CACNA1C: variants seen among roughly 807,000 people sequenced by gnomAD.
The protein encoded by CACNA1C is calcium voltage-gated channel subunit alpha1 C, also known as voltage-dependent L-type calcium channel subunit alpha-1C.
CACNA1C carries 30 observed loss-of-function variants against 229.0 expected under a neutral mutation model. The ratio of observed to expected loss-of-function variants is 0.13; its 90% CI spans 0.10 to 0.18. The LOEUF (loss-of-function observed/expected upper bound fraction) is 0.18, where lower values mean the gene tolerates loss of function less well. Among genes scored for constraint, CACNA1C ranks in the 10% least tolerant of loss-of-function variants. The probability of loss-of-function intolerance (pLI) is 1.00; values close to 1 mark genes in which losing one functional copy is unlikely to be tolerated. For missense variants in CACNA1C, 1,658 were observed against 2,845.0 expected (o/e 0.58, Z 9.49); for synonymous variants, 1,114 against 1,132.5 (o/e 0.98, Z 0.33).
At chr12:2,552,123 G>T (rs1408544932) in intron 10 of CACNA1C, among the ~76,000 whole-genome samples, 3 of 152,230 alleles carry the variant, frequency 2.0e-5, no homozygotes, top group Admixed American at 2.0e-4. Context: ...TAAGAGAACA[G>T]GCAGCAGCGC....
In CACNA1C at chr12:2,618,778, G is replaced by T. The variant is rs74053887; in HGVS notation, c.3828+6765G>T. On this transcript the variant is annotated intron_variant, in intron 29 of 46. Transcript: ENST00000399655. ...AGGAGAAGGAAGGGGAAGTGGGATGGCCAGGAGGAAAGGATGCACACTGGA... is the reference window on the plus strand; with the variant it reads ...AGGAGAAGGAAGGGGAAGTGGGATGTCCAGGAGGAAAGGATGCACACTGGA... Among the ~76,000 whole-genome samples the T allele has an allele frequency of 4.1e-3, 621 of 152,348 alleles. 2 individuals are homozygous for T. The highest frequency in any genetic ancestry group is 0.014 in the African/African-American group (586 of 41,586).
At chr12:2,662,046 T>C (rs1248235680) in intron 34 of CACNA1C, among the ~76,000 whole-genome samples, 2 of 151,984 alleles carry the variant, frequency 1.3e-5, no homozygotes, top group Admixed American at 1.3e-4. Context: ...ATCGAGACCA[T>C]CCTGGCTAAC....
chr12:2,222,016 C>CTA (rs2154351340), intron 3 of CACNA1C, among the ~76,000 whole-genome samples: 1 of 152,282 alleles, frequency 6.6e-6, no homozygotes, highest in Non-Finnish European at 1.5e-5. Flanking sequence ...ACAGGATATA[C>CTA]TATACCCTGG....
chr12:2,074,539 A>ACTCCTCTGGGGT (rs1209035023), intron 1 of CACNA1C, among the ~76,000 whole-genome samples: 46 of 151,148 alleles, frequency 3.0e-4, no homozygotes, highest in African/African-American at 1.1e-3. Context: ...ACTTGTTGCG[A>ACTCCTCTGGGGT]CTCCTCTGGG....
At chr12:2,367,458 G>A (rs1056635216) in intron 3 of CACNA1C, among the ~76,000 whole-genome samples, 1 of 152,078 alleles carries the variant, frequency 6.6e-6, no homozygotes, top group African/African-American at 2.4e-5. Context: ...ACAGAAGTAG[G>A]GTTGAACGTT....
chr12:2,384,162 C>T (rs956041711), intron 3 of CACNA1C, among the ~76,000 whole-genome samples: 1 of 152,240 alleles, frequency 6.6e-6, no homozygotes, highest in African/African-American at 2.4e-5. Context: ...AACACTGTTG[C>T]ACTCAAGTTT....
chr12:2,020,109 G>A (rs1006682920), intron 1 of CACNA1C: 2 of 152,108 alleles, frequency 1.3e-5, no homozygotes, highest in Admixed American at 6.5e-5. Context: ...ACTTCTCTTG[G>A]AAACTGAAGG....
intron 1 of CACNA1C, among the ~76,000 whole-genome samples, chr12:2,056,090 G>C (rs2054619283): frequency 6.6e-6 from 1 of 152,144 alleles, no homozygotes. Context: ...TGTCAGTGGC[G>C]GGGGCTGTGC....
chr12:1,989,121 C>T (rs374505994), intron 1 of CACNA1C, among the ~76,000 whole-genome samples: 5 of 152,350 alleles, frequency 3.3e-5, no homozygotes, highest in Non-Finnish European at 4.4e-5. Flanking sequence ...TGGTGGCTCC[C>T]GCCTGTAATG....
chr12:2,147,662 A>C (rs918477787), intron 3 of CACNA1C, among the ~76,000 whole-genome samples: 1 of 151,166 alleles, frequency 6.6e-6, no homozygotes, highest in Non-Finnish European at 1.5e-5. Context: ...GAAGAAGTAT[A>C]TATCTGAGGA....
intron 3 of CACNA1C, among the ~76,000 whole-genome samples, chr12:2,274,721 G>A (rs926907642): frequency 4.6e-5 from 7 of 152,232 alleles, no homozygotes; most frequent in Non-Finnish European, 5.9e-5. Context: ...GTGAAGCTGG[G>A]ATTTACACCT....
chr12:2,130,308 C>A (rs1464124443), intron 3 of CACNA1C, among the ~76,000 whole-genome samples: 1 of 105,012 alleles, frequency 9.5e-6, no homozygotes, highest in East Asian at 2.8e-4. Flanking sequence ...TTTTTCTTTT[C>A]TTTTTTTATT....
intron 3 of CACNA1C, among the ~76,000 whole-genome samples, chr12:2,205,676 A>G (rs543458492): frequency 1.7e-4 from 26 of 152,314 alleles, no homozygotes; most frequent in Admixed American, 4.6e-4. Flanking sequence ...TTTTTAGAGT[A>G]GGAAGTAGGC....
chr12:2,607,368 G>C (rs2075817514), intron 26 of CACNA1C: 1 of 476,862 alleles, frequency 2.1e-6, no homozygotes, highest in African/African-American at 1.9e-5. Flanking sequence ...CCTTTTTTTA[G>C]CCCTCTTTCC....
intron 3 of CACNA1C, among the ~76,000 whole-genome samples, chr12:2,253,688 C>T (rs758575982): frequency 3.3e-5 from 5 of 152,216 alleles, no homozygotes; most frequent in African/African-American, 9.6e-5. Flanking sequence ...CATTCACACA[C>T]GTAGGTAGTC....
intron 3 of CACNA1C, among the ~76,000 whole-genome samples, chr12:2,254,704 T>A (rs1019487241): frequency 7.9e-5 from 12 of 152,166 alleles, no homozygotes; most frequent in African/African-American, 2.9e-4. Context: ...TGAGATTTGC[T>A]ATGGAGTCAG....
At chr12:2,574,592 C>T (rs2057682505) in intron 13 of CACNA1C, among the ~76,000 whole-genome samples, 1 of 152,180 alleles carries the variant, frequency 6.6e-6, no homozygotes, top group South Asian at 2.1e-4. Flanking sequence ...AAATCTTGGC[C>T]ACATATGGGC....
intron 43 of CACNA1C, among the ~76,000 whole-genome samples, chr12:2,685,243 CTACT>C (rs1174646998): frequency 1.3e-5 from 2 of 150,718 alleles, no homozygotes; most frequent in African/African-American, 2.4e-5. Context: ...TGCTGTTCAC[CTACT>C]GAGTGACCGT....
intron 3 of CACNA1C, among the ~76,000 whole-genome samples, chr12:2,380,030 C>CAAAAAAAAGAAAAAAAAA (rs1555503552): frequency 6.2e-5 from 5 of 80,166 alleles, no homozygotes; most frequent in Non-Finnish European, 1.3e-4. Context: ...GACTCCGTCT[C>CAAAAAAAAGAAAAAAAAA]AAAAAAAAAA....
Sources: gnomAD v4.1 joint callset for allele counts (sites outside exome capture counted in the v4.1 genomes callset) on GRCh38, gnomAD v4.1.1 for gene constraint, MANE v1.5 for transcripts, NCBI Gene and HGNC (gene_info 2026-07-23, HGNC 2026-07-21) for gene names.